Variants in SMAD1 observed in about 807,000 individuals in gnomAD.
SMAD1 encodes MAD, mothers against decapentaplegic homolog 1.
In SMAD1, 6 loss-of-function variants were observed where a neutral mutation model predicts 41.6. That is an observed-to-expected ratio of 0.14 (90% CI 0.08 to 0.28). The LOEUF is 0.28. Among genes scored for constraint, SMAD1 ranks in the 10% least tolerant of loss-of-function variants. The pLI is 1.00. For missense variants in SMAD1, 379 were observed against 582.6 expected (o/e 0.65, Z 3.60); for synonymous variants, 206 against 203.2 (o/e 1.01, Z -0.12).
At chr4:145,536,193 C>T (rs1382837047) in intron 2 of SMAD1, among the ~76,000 whole-genome samples, 1 of 152,016 alleles carries the variant, frequency 6.6e-6, no homozygotes, top group East Asian at 1.9e-4. Flanking sequence ...GTTGGCTTAA[C>T]ACTTGGATGT....
intron 5 of SMAD1, among the ~76,000 whole-genome samples, chr4:145,550,712 T>C (rs1732508896): frequency 6.6e-6 from 1 of 152,202 alleles, no homozygotes; most frequent in African/African-American, 2.4e-5. Flanking sequence ...TTAAAAATTA[T>C]GTAAGTCAGT....
At chr4:145,501,803 A>G (rs1729459375) in intron 1 of SMAD1, among the ~76,000 whole-genome samples, 1 of 151,746 alleles carries the variant, frequency 6.6e-6, no homozygotes, top group African/African-American at 2.4e-5. Context: ...TTACCAGAAT[A>G]TGGTCTGGAG....
In SMAD1 at chr4:145,514,985, C is replaced by T; in HGVS notation, c.372C>T (p.Pro124=). The part of the protein sequence containing the change: ...GSKQKEVCIN[P]YHYKRVESPV... The stretch of plus-strand genomic sequence containing the variant: ...AGCAGAAGGAGGTCTGCATCAATCC[C>T]TACCACTATAAGAGAGTAGAAAGCC... Residue 124 remains proline, a synonymous_variant, in exon 2 of 7, where the codon CCC becomes CCT. Transcript: ENST00000302085. The surrounding 1 kb of genome is among the most constrained non-coding windows in gnomAD (Gnocchi z 4.7). The T allele has an allele frequency of 6.2e-7, 1 of 1,613,536 alleles. No individual in the cohort carries two copies.
chr4:145,546,507 CAA>C (rs1438346643), intron 4 of SMAD1, 194 bp from the exon 5 acceptor site: 2 of 550,308 alleles, frequency 3.6e-6, no homozygotes, highest in Non-Finnish European at 6.5e-6. Context: ...CAATTTTCTC[CAA>C]TTAGGAGAAT....
At chr4:145,542,723 C>CT in intron 4 of SMAD1, 25 bp downstream of exon 4, 1 of 1,461,562 alleles carries the variant, frequency 6.8e-7, no homozygotes, top group Non-Finnish European at 9.5e-7. Flanking sequence ...TGCCTGTTCC[C>CT]TTTTTTAGAG....
intron 1 of SMAD1, among the ~76,000 whole-genome samples, chr4:145,489,147 G>A (rs1479928014): frequency 6.6e-6 from 1 of 152,194 alleles, no homozygotes. Flanking sequence ...TTATGTTTCA[G>A]TAGCCACATG....
At position 145,507,130 on chromosome 4, in the gene SMAD1, A is replaced by C. The variant is rs184797001; in HGVS notation, c.-176-7308A>C. 2.6e-5 allele frequency among the ~76,000 whole-genome samples: 4 copies of C among 151,412 alleles called. No homozygotes were observed. In the East Asian group the frequency reaches 7.7e-4, roughly 29 times the overall value. ...CACTATAAATCCAACCTGATTTCTA[A>C]GTAGAGTATAGATGTGGCTTGAGAT... On this transcript the variant is annotated intron_variant, in intron 1 of 6. Coordinates refer to ENST00000302085, the MANE Select transcript of SMAD1 (RefSeq NM_005900.3).
At chr4:145,495,616 CT>C (rs58468364) in intron 1 of SMAD1, among the ~76,000 whole-genome samples, 333 of 127,032 alleles carry the variant, frequency 2.6e-3, no homozygotes, top group East Asian at 3.9e-3. Context: ...AATTAATTTC[CT>C]TTTTTTTTTT....
At chr4:145,505,471 T>C (rs1433045830) in intron 1 of SMAD1, among the ~76,000 whole-genome samples, 1 of 152,112 alleles carries the variant, frequency 6.6e-6, no homozygotes, top group East Asian at 1.9e-4. Context: ...TATAAAAAAT[T>C]AGCTGGGCGT....
At chr4:145,538,625 G>A (rs546647573) in intron 2 of SMAD1, among the ~76,000 whole-genome samples, 1 of 152,168 alleles carries the variant, frequency 6.6e-6, no homozygotes, top group African/African-American at 2.4e-5. Context: ...TCAAAAGTCT[G>A]CTAAATTCCT....
At chr4:145,493,648 T>C (rs574166299) in intron 1 of SMAD1, among the ~76,000 whole-genome samples, 103 of 152,348 alleles carry the variant, frequency 6.8e-4, no homozygotes, top group African/African-American at 2.4e-3. Flanking sequence ...TGGGCTGAGA[T>C]GTTCTGTATT....
At chr4:145,504,671 T>A (rs17020255) in intron 1 of SMAD1, among the ~76,000 whole-genome samples, 581 of 152,342 alleles carry the variant, frequency 3.8e-3, no homozygotes, top group African/African-American at 0.013. Context: ...CATTGTCTCA[T>A]GTGGGTTGTC....
chr4:145,547,582 T>G (rs1245026438), intron 5 of SMAD1, among the ~76,000 whole-genome samples: 1 of 152,224 alleles, frequency 6.6e-6, no homozygotes, highest in African/African-American at 2.4e-5. Context: ...AATCCCGAAC[T>G]CTTTTTAGTA....
chr4:145,527,553 CG>C (rs1731091912), intron 2 of SMAD1, among the ~76,000 whole-genome samples: 1 of 152,026 alleles, frequency 6.6e-6, no homozygotes, highest in African/African-American at 2.4e-5. Context: ...CAACGACTGC[CG>C]GAAGATGGTA....
At chr4:145,483,346 A>T (rs760940611) in intron 1 of SMAD1, among the ~76,000 whole-genome samples, 2 of 152,200 alleles carry the variant, frequency 1.3e-5, no homozygotes, top group East Asian at 1.9e-4. Flanking sequence ...CTATTTCAGA[A>T]CATCTCTGGG....
chr4:145,500,304 G>C (rs1446815655), intron 1 of SMAD1, among the ~76,000 whole-genome samples: 1 of 151,948 alleles, frequency 6.6e-6, no homozygotes, highest in Non-Finnish European at 1.5e-5. Context: ...ATCTCAATTT[G>C]GGTCAAAAGC....
intron 1 of SMAD1, among the ~76,000 whole-genome samples, chr4:145,506,689 TAAAA>T (rs375810018): frequency 3.3e-3 from 502 of 151,556 alleles, no homozygotes; most frequent in Non-Finnish European, 5.7e-3. Flanking sequence ...TTAGGGTAAT[TAAAA>T]AAAAACTTTC....
chr4:145,556,187 T>G, intron 6 of SMAD1, among the ~76,000 whole-genome samples: 1 of 152,210 alleles, frequency 6.6e-6, no homozygotes, highest in Non-Finnish European at 1.5e-5. Context: ...ATTCTATGTC[T>G]GAAAATTCCA....
intron 5 of SMAD1, among the ~76,000 whole-genome samples, chr4:145,549,512 G>A (rs1732444610): frequency 1.3e-5 from 2 of 152,322 alleles, no homozygotes; most frequent in African/African-American, 4.8e-5. Context: ...GAGCCCAAGT[G>A]ATCAAGCAAA....
Sources: allele counts gnomAD v4.1 joint callset (sites outside exome capture counted in the v4.1 genomes callset), GRCh38; gene constraint gnomAD v4.1.1; non-coding constraint Gnocchi (gnomAD v3.1); transcripts MANE v1.5; gene names NCBI Gene and HGNC (gene_info 2026-07-23, HGNC 2026-07-21).